Variants in MACROD2 observed in about 807,000 individuals in gnomAD.
MACROD2 encodes the protein ADP-ribose glycohydrolase MACROD2.
In MACROD2, 36 loss-of-function variants were observed where a neutral mutation model predicts 70.4. The ratio of observed to expected loss-of-function variants is 0.51; its 90% CI spans 0.39 to 0.68. MACROD2 has a LOEUF of 0.68. MACROD2 is among the 30% of genes least tolerant of loss of function. MACROD2 has a pLI of 0.00. For synonymous variants in MACROD2, 172 were observed against 178.8 expected, an observed-to-expected ratio of 0.96 and a Z score of 0.30; for missense variants, 496 against 538.4, an observed-to-expected ratio of 0.92 and a Z score of 0.78.
chr20:16,032,833 A>T (rs1299924142), intron 15 of MACROD2, among the ~76,000 whole-genome samples: 4 of 151,598 alleles, frequency 2.6e-5, no homozygotes, highest in African/African-American at 9.7e-5. Context: ...AGAGAGAAGG[A>T]AGGAAGAAAC....
chr20:14,077,925 GGAGTTTCA>G (rs761155869), intron 2 of MACROD2, among the ~76,000 whole-genome samples: 1 of 148,806 alleles, frequency 6.7e-6, no homozygotes, highest in Non-Finnish European at 1.5e-5. Context: ...TTTTTGAGAC[GGAGTTTCA>G]CTCCTGTTTC....
intron 5 of MACROD2, among the ~76,000 whole-genome samples, chr20:15,050,851 C>A (rs1335962386): frequency 2.0e-5 from 3 of 150,694 alleles, no homozygotes; most frequent in African/African-American, 4.9e-5. Context: ...ATTATTTATA[C>A]ATATATGTAA....
chr20:15,956,049 G>C (rs1323648218), intron 12 of MACROD2, among the ~76,000 whole-genome samples: 1 of 152,098 alleles, frequency 6.6e-6, no homozygotes, highest in African/African-American at 2.4e-5. Context: ...TGTGAAACTT[G>C]GTGTGTATTT....
intron 5 of MACROD2, among the ~76,000 whole-genome samples, chr20:14,840,033 CTT>C (rs71190154): frequency 1.4e-5 from 2 of 142,502 alleles, no homozygotes; most frequent in African/African-American, 5.2e-5. Flanking sequence ...GTCTCCATGT[CTT>C]TTTTTTTTTT....
At position 14,230,669 on chromosome 20, in the gene MACROD2, C is replaced by CCATATATATATATATATATATATATATA. The variant is rs1388842581; in HGVS notation, c.271+144941_271+144942insCATATATATATATATATATATATATATA. The stretch of plus-strand genomic sequence containing the variant: ...TATATATATATAACACAGGCTGGGC[C>CCATATATATATATATATATATATATATA]TATATATATATATATATATATATAT... On this transcript the variant is annotated intron_variant, in intron 3 of 17. Coordinates refer to ENST00000684519, the MANE Select transcript of MACROD2 (RefSeq NM_001351661.2). Among the ~76,000 whole-genome samples the CCATATATATATATATATATATATATATA allele has an allele frequency of 4.0e-4, 37 of 92,900 alleles. 1 individual carries two copies. Among genetic ancestry groups the CCATATATATATATATATATATATATATA allele is most frequent in the South Asian group, 9.0e-4 (2 of 2,214 alleles). 60.9% of individuals were successfully genotyped at this position (92,900 alleles called of 152,430 possible).
At chr20:14,868,013 C>T (rs449849) in intron 5 of MACROD2, among the ~76,000 whole-genome samples, 37,072 of 151,696 alleles carry the variant, frequency 0.24, 5,377 homozygotes, top group Non-Finnish European at 0.33. Flanking sequence ...TGCTGTCATC[C>T]AAATATAAAA....
Position 15,794,067 on chromosome 20 carries a change from T to C in MACROD2, c.646-68678T>C, listed in dbSNP as rs917319747. On this transcript the variant is annotated intron_variant, in intron 8 of 17. Transcript: ENST00000684519. ...GAACCACTTAAGATGACAGACAACA[T>C]GGCAAATCCTTAAGGAAGACTCCTG... 3.3e-5 allele frequency among the ~76,000 whole-genome samples: 5 copies of C among 151,832 alleles called. No individual in the cohort carries two copies. In the South Asian group the frequency reaches 1.0e-3, roughly 32 times the overall value.
chr20:15,591,107 T>C (rs1390075602), intron 8 of MACROD2, among the ~76,000 whole-genome samples: 4 of 152,288 alleles, frequency 2.6e-5, no homozygotes, highest in South Asian at 2.1e-4. Flanking sequence ...TAGAGGAGGA[T>C]TGATGGTCTT....
At chr20:16,048,695 A>G (rs1459418061) in intron 17 of MACROD2, among the ~76,000 whole-genome samples, 2 of 152,094 alleles carry the variant, frequency 1.3e-5, no homozygotes, top group Non-Finnish European at 2.9e-5. Flanking sequence ...TGGAGGAGCT[A>G]GAACTCTTAT....
chr20:15,006,566 A>G (rs1252941892), intron 5 of MACROD2, among the ~76,000 whole-genome samples: 2 of 152,178 alleles, frequency 1.3e-5, no homozygotes, highest in African/African-American at 2.4e-5. Context: ...TCATTTCACA[A>G]TGTATATGTA....
chr20:14,413,783 T>C (rs1195060230), intron 3 of MACROD2, among the ~76,000 whole-genome samples: 1 of 152,186 alleles, frequency 6.6e-6, no homozygotes, highest in Non-Finnish European at 1.5e-5. Flanking sequence ...ATGAAAACTT[T>C]TGCTGCTTTT....
chr20:14,826,833 T>C (rs765208979), intron 5 of MACROD2, among the ~76,000 whole-genome samples: 2 of 152,164 alleles, frequency 1.3e-5, no homozygotes, highest in Non-Finnish European at 2.9e-5. Context: ...GGTAGTTTTA[T>C]AATTTTAGCA....
At chr20:14,769,423 G>A (rs2072136136) in intron 5 of MACROD2, among the ~76,000 whole-genome samples, 1 of 152,112 alleles carries the variant, frequency 6.6e-6, no homozygotes, top group African/African-American at 2.4e-5. Context: ...ACTTGAAAGT[G>A]TTAAGACTTT....
chr20:15,310,486 G>A (rs1238377716), intron 6 of MACROD2, among the ~76,000 whole-genome samples: 1 of 152,068 alleles, frequency 6.6e-6, no homozygotes. Flanking sequence ...GTGTATATCT[G>A]ATATCTAAAT....
intron 3 of MACROD2, among the ~76,000 whole-genome samples, chr20:14,162,139 A>G (rs974603888): frequency 1.3e-5 from 2 of 152,158 alleles, no homozygotes; most frequent in Non-Finnish European, 2.9e-5. Context: ...GTGGTCATTC[A>G]GTAGCACGTT....
At chr20:14,529,696 A>C (rs1314342542) in intron 4 of MACROD2, among the ~76,000 whole-genome samples, 1 of 151,490 alleles carries the variant, frequency 6.6e-6, no homozygotes, top group Non-Finnish European at 1.5e-5. Context: ...GCACATAGTC[A>C]TTCAATGTTT....
intron 7 of MACROD2, among the ~76,000 whole-genome samples, chr20:15,432,614 T>C (rs1452770191): frequency 1.3e-5 from 2 of 152,114 alleles, no homozygotes; most frequent in African/African-American, 4.8e-5. Context: ...GCAAATACCC[T>C]AACTCTTTAT....
At position 15,683,578 on chromosome 20, in the gene MACROD2, T is replaced by G. The variant is rs1409533344; in HGVS notation, c.646-179167T>G. On this transcript the variant is annotated intron_variant, in intron 8 of 17. Transcript: ENST00000684519. The stretch of plus-strand genomic sequence containing the variant: ...TCATTTACCATCCCTCAGGTTGTTT[T>G]TTTGTTTGTTTGTTTTTTGAGACAA... Among the ~76,000 whole-genome samples the G allele has an allele frequency of 2.6e-5, 4 of 152,100 alleles. No homozygotes were observed. In the East Asian group the frequency reaches 7.7e-4, roughly 29 times the overall value.
At chr20:15,256,885 C>T (rs1424013683) in intron 6 of MACROD2, among the ~76,000 whole-genome samples, 1 of 151,722 alleles carries the variant, frequency 6.6e-6, no homozygotes, top group Non-Finnish European at 1.5e-5. Flanking sequence ...ATATTCAGTA[C>T]TATAAATTGT....
Sources: allele counts gnomAD v4.1 joint callset (sites outside exome capture counted in the v4.1 genomes callset), GRCh38; gene constraint gnomAD v4.1.1; transcripts MANE v1.5; gene names NCBI Gene and HGNC (gene_info 2026-07-23, HGNC 2026-07-21).